The following SUMF2 variants were observed in gnomAD, a reference collection of about 807,000 sequenced individuals.
SUMF2 encodes sulfatase modifying factor 2, also known as inactive C-alpha-formylglycine-generating enzyme 2.
In SUMF2, 45 loss-of-function variants were observed where a neutral mutation model predicts 44.8. The observed-to-expected ratio is 1.00, with a 90% CI of 0.79 to 1.29. The LOEUF (loss-of-function observed/expected upper bound fraction) is 1.29. SUMF2 is among the 50% of genes most tolerant of loss of function. The probability of loss-of-function intolerance (pLI) is 0.00; values close to 1 mark genes in which losing one functional copy is unlikely to be tolerated. For synonymous variants in SUMF2, 148 were observed against 150.4 expected (o/e 0.98, Z 0.12); for missense variants, 418 against 389.9 (o/e 1.07, Z -0.61).
chr7:56,074,472 TC>T, intron 4 of SUMF2, 113 bp from the exon 5 acceptor site: 2 of 1,408,126 alleles, frequency 1.4e-6, no homozygotes, highest in Non-Finnish European at 1.9e-6. Flanking sequence ...CCGGCTCTCT[TC>T]CAGCTCTCTT....
intron 5 of SUMF2, 170 bp from the exon 6 acceptor site, chr7:56,076,664 G>A (rs556956519): frequency 1.6e-5 from 9 of 575,484 alleles, no homozygotes; most frequent in Non-Finnish European, 2.7e-5. Flanking sequence ...GCCCTCTAAT[G>A]CAGTTCAGCG....
At chr7:56,082,078 C>G (rs774364515), downstream of SUMF2, 2 of 1,609,146 alleles carry the variant, frequency 1.2e-6, no homozygotes, top group South Asian at 2.2e-5. Context: ...GCCACTTACC[C>G]AGCGCCAGGG....
At chr7:56,066,082 C>CAAAAAA (rs71015176) in intron 1 of SUMF2, among the ~76,000 whole-genome samples, 19 of 69,620 alleles carry the variant, frequency 2.7e-4, no homozygotes, top group Admixed American at 7.5e-4. Flanking sequence ...CTCCGCCTCA[C>CAAAAAA]AAAAAAAAAA....
At chr7:56,078,837 C>T in intron 8 of SUMF2, 1 of 448,854 alleles carries the variant, frequency 2.2e-6, no homozygotes, top group East Asian at 3.4e-5. Flanking sequence ...AATGACCACA[C>T]CAGTAGGTCA....
At chr7:56,070,204 C>T (rs540091964) in intron 2 of SUMF2, among the ~76,000 whole-genome samples, 8 of 152,204 alleles carry the variant, frequency 5.3e-5, no homozygotes, top group African/African-American at 1.7e-4. Flanking sequence ...CCACCACGCC[C>T]GGCCAAAAAT....
In SUMF2 at chr7:56,074,744, G is replaced by C; in HGVS notation, c.535+8G>C. The C allele has an allele frequency of 6.2e-7, 1 of 1,614,108 alleles. No individual in the cohort carries two copies. Among genetic ancestry groups the C allele is most frequent in the Non-Finnish European group, 8.5e-7 (1 of 1,179,992 alleles). On this transcript the variant is annotated splice_region_variant and intron_variant, in intron 5 of 8. Transcript: ENST00000434526. ...CCCGAGGGGGCTTGAAGGGTATCCA[G>C]ATGATAAGGCGATTTTCCTTTATTC... is the stretch of plus-strand genomic sequence containing the variant.
In SUMF2 at chr7:56,078,522, T is replaced by C. The variant is rs1371691737; in HGVS notation, c.821+14T>C. ...GGTCACCACCAGGTAAGGGGCTTGG[T>C]CCCAGGCAACACGGGGCCTTGTAGC... On this transcript the variant is annotated intron_variant, in intron 8 of 8. Transcript: ENST00000434526. The C allele has an allele frequency of 6.5e-7, 1 of 1,543,098 alleles. No individual in the cohort carries two copies.
intron 4 of SUMF2, 49 bp from the exon 5 acceptor site, chr7:56,074,537 C>G: frequency 1.2e-6 from 2 of 1,602,066 alleles, no homozygotes; most frequent in Non-Finnish European, 1.7e-6. Context: ...AGCCTGCCTC[C>G]GACTTAATGC....
chr7:56,066,967 AG>A (rs1794847838), intron 1 of SUMF2, among the ~76,000 whole-genome samples: 1 of 152,186 alleles, frequency 6.6e-6, no homozygotes, highest in South Asian at 2.1e-4. Context: ...ACAAGTCTAA[AG>A]GTGCTCATTC....
rs115573278 is a variant in SUMF2, at chr7:56,078,498, G to A, written c.811G>A (p.Val271Ile). Residue 271 changes from valine to isoleucine, a missense_variant, in exon 8 of 9, where the codon GTC becomes ATC. Val to Ile is a conservative substitution (Grantham distance 29). Coordinates refer to ENST00000434526, the MANE Select transcript of SUMF2 (RefSeq NM_015411.4). ...ADGSANHRAR[V>I]TTRMGNTPDS... The stretch of plus-strand genomic sequence containing the variant: ...TGGCTCTGCCAATCACCGGGCCCGG[G>A]TCACCACCAGGTAAGGGGCTTGGTC... 2,815 of 1,574,058 alleles carry A rather than the reference G, an allele frequency of 1.8e-3. 32 individuals are homozygous for A. The African/African-American group carries it at 0.03, about 17-fold the overall frequency.
intron 4 of SUMF2, 58 bp downstream of exon 4, chr7:56,074,276 C>A (rs1462432443): frequency 2.0e-6 from 3 of 1,522,678 alleles, no homozygotes; most frequent in South Asian, 1.1e-5. Flanking sequence ...ATTCTCCAGG[C>A]CCAGCCTCCT....
downstream of SUMF2, chr7:56,082,036 C>T: frequency 6.2e-7 from 1 of 1,613,004 alleles, no homozygotes; most frequent in Non-Finnish European, 8.5e-7. Context: ...ATGATGACGC[C>T]AGTGCTCCAC....
At chr7:56,076,560 C>G (rs1795561924) in intron 5 of SUMF2, 1 of 355,462 alleles carries the variant, frequency 2.8e-6, no homozygotes, top group Admixed American at 4.7e-5. Context: ...GTACTTTTCT[C>G]AACATGAACT....
intron 3 of SUMF2, chr7:56,073,396 T>TA (rs562070096): frequency 6.4e-5 from 27 of 424,622 alleles, no homozygotes; most frequent in Non-Finnish European, 1.2e-4. Flanking sequence ...CTCATGCCTA[T>TA]AATCTCAGCA....
chr7:56,084,013 C>T, downstream of SUMF2: 1 of 621,696 alleles, frequency 1.6e-6, no homozygotes, highest in South Asian at 1.9e-5. Flanking sequence ...AAAAATTTTT[C>T]CCACCATTTC....
chr7:56,082,284 A>C, downstream of SUMF2: 22 of 1,552,874 alleles, frequency 1.4e-5, no homozygotes, highest in Non-Finnish European at 1.9e-5. Flanking sequence ...AGGGCAGGTC[A>C]GCAGGGCACT....
At chr7:56,075,797 C>T (rs897228292) in intron 5 of SUMF2, among the ~76,000 whole-genome samples, 9 of 152,264 alleles carry the variant, frequency 5.9e-5, no homozygotes, top group African/African-American at 1.7e-4. Context: ...AAAGCAACTC[C>T]GCACATTAAA....
downstream of SUMF2, chr7:56,081,907 T>C: frequency 2.5e-6 from 4 of 1,613,546 alleles, no homozygotes; most frequent in Non-Finnish European, 3.4e-6. This position sits in a 1 kb window ranked among gnomAD's most constrained non-coding sequence, Gnocchi z 4.6. Context: ...TCCTTCACGG[T>C]GTCCGAGTAA....
chr7:56,083,720 G>A (rs1377654847), downstream of SUMF2: 3 of 1,567,184 alleles, frequency 1.9e-6, no homozygotes, highest in African/African-American at 4.1e-5. Context: ...TTCATCCTGT[G>A]GAAACAGAGG....
Sources: gnomAD v4.1 joint callset for allele counts (sites outside exome capture counted in the v4.1 genomes callset) on GRCh38, gnomAD v4.1.1 for gene constraint, Gnocchi (gnomAD v3.1) non-coding constraint, MANE v1.5 for transcripts, NCBI Gene and HGNC (gene_info 2026-07-23, HGNC 2026-07-21) for gene names.